MAPRE1: variants seen among roughly 807,000 people sequenced by gnomAD.
The protein encoded by MAPRE1 is microtubule-associated protein RP/EB family member 1.
MAPRE1 carries 5 observed loss-of-function variants against 32.1 expected under a neutral mutation model. The observed-to-expected ratio is 0.16, with a 90% confidence interval of 0.08 to 0.33. The LOEUF (loss-of-function observed/expected upper bound fraction) is 0.33, where lower values mean the gene tolerates loss of function less well. Among genes scored for constraint, MAPRE1 ranks in the 10% least tolerant of loss-of-function variants. The pLI is 1.00. For synonymous variants in MAPRE1, 122 were observed against 118.9 expected (o/e 1.03, Z -0.17); for missense variants, 209 against 327.2 (o/e 0.64, Z 2.79).
At chr20:32,821,385 A>C (rs1454679766) in intron 1 of MAPRE1, among the ~76,000 whole-genome samples, 1 of 152,204 alleles carries the variant, frequency 6.6e-6, no homozygotes, top group African/African-American at 2.4e-5. Context: ...TATGCAGCCC[A>C]GCAAGTGGCT....
chr20:32,841,079 G>C (rs2146136099), intron 5 of MAPRE1, among the ~76,000 whole-genome samples: 1 of 152,336 alleles, frequency 6.6e-6, no homozygotes, highest in South Asian at 2.1e-4. Flanking sequence ...GCCTCCCAGT[G>C]CTGGGATTAC....
chr20:32,826,896 G>T (rs548512468), intron 2 of MAPRE1, among the ~76,000 whole-genome samples: 1 of 152,228 alleles, frequency 6.6e-6, no homozygotes, highest in Non-Finnish European at 1.5e-5. Flanking sequence ...TCTGAGGCCT[G>T]AAGCTCAGCC....
Position 32,848,749 on chromosome 20 carries a change from A to G in MAPRE1, c.*21A>G, listed in dbSNP as rs762508064. 19 of 1,602,820 alleles carry G rather than the reference A, an allele frequency of 1.2e-5. No individual in the cohort carries two copies. Among genetic ancestry groups the G allele is most frequent in the Middle Eastern group, 1.8e-4 (1 of 5,696 alleles). On this transcript the variant is annotated 3_prime_UTR_variant, in exon 7 of 7. Transcript: ENST00000375571. ...ATTAACAGCCTGGACCAGCAGAGCA[A>G]CATCGGAATTCTTCACTCCAAATCA...
At chr20:32,831,960 A>C (rs892246563) in intron 2 of MAPRE1, among the ~76,000 whole-genome samples, 10 of 151,956 alleles carry the variant, frequency 6.6e-5, no homozygotes, top group African/African-American at 1.2e-4. Flanking sequence ...AAAAAAAAAA[A>C]AAAACAAAAG....
intron 2 of MAPRE1, among the ~76,000 whole-genome samples, chr20:32,831,669 A>G (rs2146127385): frequency 6.6e-6 from 1 of 151,680 alleles, no homozygotes; most frequent in African/African-American, 2.4e-5. Context: ...AGCAGCTGGG[A>G]CTACAGGCAT....
At chr20:32,837,173 T>C (rs1983225046) in intron 4 of MAPRE1, among the ~76,000 whole-genome samples, 1 of 152,236 alleles carries the variant, frequency 6.6e-6, no homozygotes, top group African/African-American at 2.4e-5. Flanking sequence ...GGCTAGCTCA[T>C]GTAAGAGAGC....
chr20:32,842,308 A>G (rs552003131), intron 5 of MAPRE1, among the ~76,000 whole-genome samples: 3 of 152,180 alleles, frequency 2.0e-5, no homozygotes, highest in Non-Finnish European at 4.4e-5. Context: ...GATGGTCTCG[A>G]TCTTCTGGCC....
intron 2 of MAPRE1, among the ~76,000 whole-genome samples, chr20:32,829,267 C>T (rs192705281): frequency 6.6e-6 from 1 of 152,098 alleles, no homozygotes; most frequent in Non-Finnish European, 1.5e-5. Context: ...TGCTTTTTCT[C>T]CCTAGAAAAG....
chr20:32,829,471 A>G (rs540160293), intron 2 of MAPRE1, among the ~76,000 whole-genome samples: 9 of 152,326 alleles, frequency 5.9e-5, no homozygotes, highest in African/African-American at 1.7e-4. Flanking sequence ...GTCTCTCTGA[A>G]GAAGGCCCGC....
intron 1 of MAPRE1, among the ~76,000 whole-genome samples, chr20:32,823,125 C>T (rs1265328272): frequency 3.3e-5 from 5 of 152,326 alleles, no homozygotes; most frequent in Admixed American, 6.5e-5. Flanking sequence ...TGTGAGGGCA[C>T]GCAGACCTGG....
At chr20:32,835,416 A>G (rs1350705910) in intron 3 of MAPRE1, among the ~76,000 whole-genome samples, 2 of 121,632 alleles carry the variant, frequency 1.6e-5, no homozygotes, top group African/African-American at 6.9e-5. Context: ...GTGCTGGTCT[A>G]AATTCCTGGA....
intron 1 of MAPRE1, among the ~76,000 whole-genome samples, chr20:32,822,849 A>G (rs1189424680): frequency 6.6e-6 from 1 of 152,200 alleles, no homozygotes; most frequent in African/African-American, 2.4e-5. Context: ...ATGACAATTC[A>G]TTGTGGGACT....
At chr20:32,840,490 AAG>A (rs990199648) in intron 5 of MAPRE1, among the ~76,000 whole-genome samples, 10 of 152,132 alleles carry the variant, frequency 6.6e-5, no homozygotes, top group Non-Finnish European at 1.2e-4. Context: ...TTTATTAAAA[AAG>A]TTTTTTTAAT....
chr20:32,832,410 AGT>A (rs1983056140), intron 2 of MAPRE1, among the ~76,000 whole-genome samples: 1 of 151,566 alleles, frequency 6.6e-6, no homozygotes, highest in Non-Finnish European at 1.5e-5. Context: ...AAAATGGGCA[AGT>A]GGGGGAAGGA....
intron 3 of MAPRE1, among the ~76,000 whole-genome samples, chr20:32,836,162 T>C (rs181865458): frequency 6.6e-6 from 1 of 152,274 alleles, no homozygotes; most frequent in Admixed American, 6.5e-5. Flanking sequence ...GGTGTCACCA[T>C]GTTGCCCAGG....
At chr20:32,840,914 C>T (rs1030703575) in intron 5 of MAPRE1, among the ~76,000 whole-genome samples, 1 of 152,140 alleles carries the variant, frequency 6.6e-6, no homozygotes, top group South Asian at 2.1e-4. Context: ...CTCCCAGGTT[C>T]AAGGGATTCT....
chr20:32,823,800 G>T (rs952543375), intron 1 of MAPRE1, among the ~76,000 whole-genome samples: 1 of 152,176 alleles, frequency 6.6e-6, no homozygotes, highest in Non-Finnish European at 1.5e-5. Flanking sequence ...GAGTCAAGAG[G>T]ATGGCTTGAG....
In MAPRE1 at chr20:32,825,912, T is replaced by TC. The variant is rs1217363759; in HGVS notation, c.-3-10dup. 3 of 1,576,962 alleles carry TC rather than the reference T, an allele frequency of 1.9e-6. No individual in the cohort carries two copies. The East Asian group carries it at 6.8e-5, about 36-fold the overall frequency. On this transcript the variant is annotated splice_polypyrimidine_tract_variant and intron_variant, in intron 1 of 6. Transcript: ENST00000375571. ...TGTAACACAGGCCCTTCTCTTTTCT[T>TC]CCCATGCTTTAGAAGATGGCAGTGA...
At position 32,826,112 on chromosome 20, in the gene MAPRE1, C is replaced by G. The variant is rs143577854; in HGVS notation, c.121+64C>G. The G allele has an allele frequency of 3.5e-4, 517 of 1,481,710 alleles. 2 individuals are homozygous for G. In the African/African-American group the frequency reaches 5.8e-3, roughly 17 times the overall value. The allele number at this position is 1,481,710 out of a possible 1,614,324, so 91.8% of individuals were successfully genotyped here. On this transcript the variant is annotated intron_variant, in intron 2 of 6. Transcript: ENST00000375571. ...TGTAGGTTTTTCAGGAATGTGAAGG[C>G]CTGTATCTGACTGCAAAGCCACACA...
Sources: allele counts gnomAD v4.1 joint callset (sites outside exome capture counted in the v4.1 genomes callset), GRCh38; gene constraint gnomAD v4.1.1; transcripts MANE v1.5; gene names NCBI Gene and HGNC (gene_info 2026-07-23, HGNC 2026-07-21).